The following WDFY3 variants were observed in gnomAD, a reference collection of about 807,000 sequenced individuals.
WDFY3 encodes the protein WD repeat and FYVE domain containing 3.
A neutral mutation model predicts 409.6 loss-of-function variants in WDFY3; 66 were observed. The observed-to-expected ratio is 0.16, with a 90% confidence interval of 0.13 to 0.20. The LOEUF (loss-of-function observed/expected upper bound fraction) is 0.20. Ranked by LOEUF, WDFY3 falls within the 10% of genes least tolerant of loss-of-function variation. The probability of loss-of-function intolerance (pLI) is 1.00; values close to 1 mark genes in which losing one functional copy is unlikely to be tolerated. For synonymous variants in WDFY3, 1,521 were observed against 1,537.1 expected (o/e 0.99, Z 0.25); for missense variants, 3,031 against 4,298.1 (o/e 0.71, Z 8.24).
chr4:84,916,556 G>C (rs950075537), intron 2 of WDFY3, among the ~76,000 whole-genome samples: 32 of 152,132 alleles, frequency 2.1e-4, no homozygotes, highest in Admixed American at 1.2e-3. Context: ...AGGAGGGAAA[G>C]GCTATTCTGA....
intron 56 of WDFY3, among the ~76,000 whole-genome samples, chr4:84,698,012 T>C (rs953233803): frequency 6.6e-6 from 1 of 152,098 alleles, no homozygotes; most frequent in East Asian, 1.9e-4. Flanking sequence ...CAAAAATAAA[T>C]CAAGTTATTA....
At chr4:84,839,259 TATA>T (rs1407086900) in intron 6 of WDFY3, among the ~76,000 whole-genome samples, 1 of 152,032 alleles carries the variant, frequency 6.6e-6, no homozygotes, top group Non-Finnish European at 1.5e-5. Flanking sequence ...ATCTAAATTA[TATA>T]AAGTTTTAAT....
chr4:84,755,219 T>C, intron 34 of WDFY3, 47 bp downstream of exon 34: 3 of 1,589,770 alleles, frequency 1.9e-6, no homozygotes, highest in East Asian at 2.2e-5. Flanking sequence ...AAAAGTATCC[T>C]AGGCAGGAGG....
Position 84,786,036 on chromosome 4 carries a change from T to G in WDFY3, c.4005A>C (p.Thr1335=). The G allele has an allele frequency of 2.5e-6, 4 of 1,614,082 alleles. No homozygotes were observed. The highest frequency in any genetic ancestry group is 2.2e-5 in the East Asian group (1 of 44,864). ...TATACACTTTCCGGATTCTTGCCAC[T>G]GTTAGAGACGACACAGAGAGTGCAT... ...GLYALSVSSL[T]VARIRKVYNK... The change falls in exon 24 of 68, where the codon ACA becomes ACC. Residue 1335 remains threonine, a synonymous_variant. Coordinates refer to ENST00000295888, the MANE Select transcript of WDFY3 (RefSeq NM_014991.6).
intron 5 of WDFY3, among the ~76,000 whole-genome samples, chr4:84,843,097 A>T (rs78253646): frequency 3.3e-4 from 50 of 152,294 alleles, no homozygotes; most frequent in East Asian, 1.9e-3. Context: ...CCTTTACAAG[A>T]ACCCTGTGAG....
intron 2 of WDFY3, among the ~76,000 whole-genome samples, chr4:84,903,436 C>A (rs1001722919): frequency 3.9e-5 from 6 of 152,178 alleles, no homozygotes; most frequent in Non-Finnish European, 7.3e-5. Context: ...CCTTCCACTT[C>A]AGCCTCCTGT....
intron 3 of WDFY3, among the ~76,000 whole-genome samples, chr4:84,872,995 C>T (rs1279866608): frequency 2.0e-5 from 3 of 152,008 alleles, no homozygotes; most frequent in Non-Finnish European, 2.9e-5. Context: ...CATAACAATC[C>T]TTAACGTGTA....
intron 11 of WDFY3, 62 bp downstream of exon 11, chr4:84,821,020 AAC>A: frequency 7.1e-7 from 1 of 1,408,352 alleles, no homozygotes; most frequent in Non-Finnish European, 9.5e-7. Flanking sequence ...TGGGAACAAG[AAC>A]AAAAAATTCT....
chr4:84,860,381 G>A (rs560381133), intron 4 of WDFY3, 31 bp downstream of exon 4: 52 of 1,590,564 alleles, frequency 3.3e-5, no homozygotes, highest in South Asian at 6.8e-5. Context: ...CCCCAGTCCC[G>A]GAAGGTGTGT....
chr4:84,939,500 C>T (rs769663068), intron 1 of WDFY3, among the ~76,000 whole-genome samples: 12 of 152,108 alleles, frequency 7.9e-5, no homozygotes, highest in Admixed American at 3.9e-4. Flanking sequence ...ATATCTACTA[C>T]GCTAGCTACA....
At chr4:84,847,933 G>C (rs1034813973) in intron 5 of WDFY3, among the ~76,000 whole-genome samples, 2 of 144,300 alleles carry the variant, frequency 1.4e-5, no homozygotes, top group African/African-American at 5.1e-5. Context: ...TGTCACAAAT[G>C]AAAAAAAAAA....
chr4:84,902,209 C>G (rs1291786605), intron 2 of WDFY3, among the ~76,000 whole-genome samples: 1 of 152,146 alleles, frequency 6.6e-6, no homozygotes, highest in East Asian at 1.9e-4. Flanking sequence ...TTTAGGGAAA[C>G]CAGATTTGCA....
At chr4:84,780,961 GAGTA>G (rs1357235835) in intron 25 of WDFY3, among the ~76,000 whole-genome samples, 1 of 152,102 alleles carries the variant, frequency 6.6e-6, no homozygotes, top group African/African-American at 2.4e-5. Context: ...ATGCATTTCT[GAGTA>G]AGTAAGAGTG....
intron 53 of WDFY3, 118 bp from the exon 54 acceptor site, chr4:84,705,629 TCAAACTG>T (rs1345905210): frequency 2.2e-5 from 18 of 804,266 alleles, no homozygotes; most frequent in Non-Finnish European, 3.8e-5. Flanking sequence ...ATCTGTGGGG[TCAAACTG>T]GTATAACTGG....
At chr4:84,772,781 A>G (rs1431635446) in intron 30 of WDFY3, 54 bp downstream of exon 30, 2 of 1,427,804 alleles carry the variant, frequency 1.4e-6, no homozygotes, top group Non-Finnish European at 1.9e-6. Flanking sequence ...CAGAAGAAAA[A>G]AGGCATAATA....
In WDFY3 at chr4:84,850,927, T is replaced by G. The variant is rs1253654289; in HGVS notation, c.181-902A>C. ...ATTCTTATTTTTAATTTTATTTATC[T>G]GTTTTTTTTTTTTTTTTTTTTTTTT... On this transcript the variant is annotated intron_variant, in intron 4 of 67. Coordinates refer to ENST00000295888, the MANE Select transcript of WDFY3 (RefSeq NM_014991.6). Among the ~76,000 whole-genome samples the G allele has an allele frequency of 3.9e-5, 4 of 102,018 alleles. No homozygotes were observed. In the East Asian group the frequency reaches 1.1e-3, roughly 28 times the overall value. The allele number at this position is 102,018 out of a possible 152,430, so 66.9% of individuals were successfully genotyped here.
At chr4:84,927,898 C>A (rs1327778475) in intron 2 of WDFY3, among the ~76,000 whole-genome samples, 1 of 152,182 alleles carries the variant, frequency 6.6e-6, no homozygotes, top group Non-Finnish European at 1.5e-5. Context: ...GCTGGTAAAG[C>A]AGTAATTATT....
chr4:84,790,189 A>G (rs994766670), intron 21 of WDFY3, among the ~76,000 whole-genome samples: 5 of 151,922 alleles, frequency 3.3e-5, no homozygotes, highest in Non-Finnish European at 7.4e-5. Context: ...ATCTCTACTA[A>G]AAACACAAAA....
chr4:84,787,687 C>T lies in WDFY3; in HGVS notation c.3696G>A (p.Gly1232=), dbSNP rs2149525482. 1 of 1,613,782 alleles carries T rather than the reference C, an allele frequency of 6.2e-7. No individual in the cohort carries two copies. Among genetic ancestry groups the T allele is most frequent in the East Asian group, 2.2e-5 (1 of 44,850 alleles). ...CTGGTGGATTTGCCGAACCTGAACC[C>T]CCTGGAGTACTGTGGACATAATGAA... is the stretch of plus-strand genomic sequence containing the variant. The part of the protein sequence containing the change: ...VKLHYVHSTP[G]GSGSANPPVV... Residue 1232 remains glycine, a synonymous_variant, in exon 23 of 68, where the codon GGG becomes GGA. Transcript: ENST00000295888.
Sources: gnomAD v4.1 joint callset for allele counts (sites outside exome capture counted in the v4.1 genomes callset) on GRCh38, gnomAD v4.1.1 for gene constraint, MANE v1.5 for transcripts, NCBI Gene and HGNC (gene_info 2026-07-23, HGNC 2026-07-21) for gene names.